Variants in ST3GAL3 observed in about 807,000 individuals in gnomAD.
ST3GAL3 encodes the protein CMP-N-acetylneuraminate-beta-1,4-galactoside alpha-2,3-sialyltransferase.
Under a neutral mutation model 50.1 loss-of-function variants are expected in ST3GAL3, and 21 were observed. The observed-to-expected ratio is 0.42, with a 90% confidence interval of 0.30 to 0.60. The LOEUF (loss-of-function observed/expected upper bound fraction) is 0.60. ST3GAL3 is among the 20% of genes least tolerant of loss of function. The pLI is 0.19. For missense variants in ST3GAL3, 353 were observed against 489.4 expected, an observed-to-expected ratio of 0.72 and a Z score of 2.63; for synonymous variants, 183 against 190.0, an observed-to-expected ratio of 0.96 and a Z score of 0.30.
intron 3 of ST3GAL3, among the ~76,000 whole-genome samples, chr1:43,803,631 G>A (rs1034274758): frequency 5.3e-5 from 8 of 152,102 alleles, no homozygotes; most frequent in Admixed American, 3.3e-4. Flanking sequence ...TTTTGTTTAT[G>A]TCCAGTTTCT....
At chr1:43,920,157 C>A in intron 9 of ST3GAL3, 1 of 553,358 alleles carries the variant, frequency 1.8e-6, no homozygotes, top group Non-Finnish European at 3.3e-6. Context: ...CCCGACGACT[C>A]CCTTCGTATC....
chr1:43,784,092 G>A (rs371395286), intron 2 of ST3GAL3, among the ~76,000 whole-genome samples: 6 of 152,150 alleles, frequency 3.9e-5, no homozygotes, highest in African/African-American at 1.4e-4. Context: ...CCATGCTTCA[G>A]TGCCTTTCCA....
At chr1:43,859,928 G>A (rs1363516332) in intron 5 of ST3GAL3, among the ~76,000 whole-genome samples, 2 of 152,188 alleles carry the variant, frequency 1.3e-5, no homozygotes, top group Admixed American at 1.3e-4. Context: ...GAGGGATTAA[G>A]GGCAGGACTC....
chr1:43,803,530 C>T (rs910373644), intron 3 of ST3GAL3, among the ~76,000 whole-genome samples: 5 of 152,148 alleles, frequency 3.3e-5, no homozygotes, highest in African/African-American at 9.7e-5. Flanking sequence ...GGTAGACCAA[C>T]GGTGTCATTT....
intron 2 of ST3GAL3, among the ~76,000 whole-genome samples, chr1:43,789,743 A>G (rs1488091674): frequency 6.6e-6 from 1 of 152,086 alleles, no homozygotes; most frequent in African/African-American, 2.4e-5. Context: ...AGGCTGGCAC[A>G]TGCACCTGTA....
At chr1:43,785,444 A>G (rs554016787) in intron 2 of ST3GAL3, among the ~76,000 whole-genome samples, 13 of 152,354 alleles carry the variant, frequency 8.5e-5, no homozygotes, top group Non-Finnish European at 1.2e-4. Context: ...GACAGCTTCA[A>G]TGTAGCAAGA....
chr1:43,759,184 G>A (rs1409689366), intron 2 of ST3GAL3, among the ~76,000 whole-genome samples: 3 of 151,502 alleles, frequency 2.0e-5, no homozygotes, highest in South Asian at 2.1e-4. Context: ...GGTGGCTCAC[G>A]CCTGTAATCC....
chr1:43,711,923 T>C (rs1274634721), intron 1 of ST3GAL3, among the ~76,000 whole-genome samples: 1 of 152,242 alleles, frequency 6.6e-6, no homozygotes, highest in Non-Finnish European at 1.5e-5. Context: ...AAAAGTAATC[T>C]TAGTTTAACC....
At chr1:43,776,817 C>T (rs1223058176) in intron 2 of ST3GAL3, among the ~76,000 whole-genome samples, 3 of 152,162 alleles carry the variant, frequency 2.0e-5, no homozygotes, top group African/African-American at 7.2e-5. Flanking sequence ...TGTGTCCTCT[C>T]TTTTTTAATG....
chr1:43,772,012 G>A (rs939052055), intron 2 of ST3GAL3: 49 of 394,056 alleles, frequency 1.2e-4, no homozygotes, highest in African/African-American at 8.3e-4. Context: ...GAAACTGAGC[G>A]TATCCTGCAG....
intron 11 of ST3GAL3, among the ~76,000 whole-genome samples, chr1:43,927,646 T>G (rs1372068228): frequency 6.6e-6 from 1 of 152,168 alleles, no homozygotes; most frequent in Non-Finnish European, 1.5e-5. Flanking sequence ...CTAATTTCAT[T>G]CAACAAATAT....
intron 5 of ST3GAL3, among the ~76,000 whole-genome samples, chr1:43,880,722 C>T (rs1488806575): frequency 6.6e-6 from 1 of 152,184 alleles, no homozygotes; most frequent in African/African-American, 2.4e-5. Context: ...GTTCTGTCCT[C>T]TCCATTCCCC....
At position 43,769,540 on chromosome 1, in the gene ST3GAL3, C is replaced by A. The variant is rs182015260; in HGVS notation, c.119-22562C>A. Among the ~76,000 whole-genome samples, 647 of 151,992 alleles carry A rather than the reference C, an allele frequency of 4.3e-3. 2 individuals are homozygous for A. Among genetic ancestry groups the A allele is most frequent in the Admixed American group, 8.5e-3 (130 of 15,274 alleles). On this transcript the variant is annotated intron_variant, in intron 2 of 11. Transcript: ENST00000347631. ...GGTTCCTGTGTTCGTTTCTTTTTTT[C>A]AACACATATTGACTAAATATAATAT...
rs561035746 is a variant in ST3GAL3, at chr1:43,825,925, T to C, written c.209+10992T>C. Among the ~76,000 whole-genome samples, 7 of 152,156 alleles carry C rather than the reference T, an allele frequency of 4.6e-5. No individual in the cohort carries two copies. In the South Asian group the frequency reaches 1.2e-3, roughly 27 times the overall value. On this transcript the variant is annotated intron_variant, in intron 4 of 11. Transcript: ENST00000347631. ...GAGCCAAAAATAGAGAAAGAGAAGA[T>C]ATAAATTACTAATATCAGAAGTGAA... is the stretch of plus-strand genomic sequence containing the variant.
At chr1:43,792,658 A>G (rs983681822) in intron 3 of ST3GAL3, among the ~76,000 whole-genome samples, 3 of 152,188 alleles carry the variant, frequency 2.0e-5, no homozygotes, top group African/African-American at 4.8e-5. Context: ...CTGTGTACTC[A>G]TGCCAAAATG....
intron 2 of ST3GAL3, among the ~76,000 whole-genome samples, chr1:43,784,379 C>T (rs1331939132): frequency 6.6e-6 from 1 of 152,132 alleles, no homozygotes; most frequent in African/African-American, 2.4e-5. Flanking sequence ...TGTGGTGGCA[C>T]ATGCCTGTAG....
intron 3 of ST3GAL3, among the ~76,000 whole-genome samples, chr1:43,814,647 A>T (rs774521969): frequency 2.0e-5 from 3 of 152,234 alleles, no homozygotes; most frequent in Non-Finnish European, 4.4e-5. Context: ...AGACAGTTGT[A>T]TACCAACATA....
intron 7 of ST3GAL3, 194 bp from the exon 8 acceptor site, chr1:43,898,974 G>C (rs2077810585): frequency 4.5e-6 from 3 of 671,794 alleles, no homozygotes; most frequent in Admixed American, 5.4e-5. Flanking sequence ...TAGAGATGCT[G>C]GAGAGTCTCA....
chr1:43,873,211 C>T (rs767666416), intron 5 of ST3GAL3, among the ~76,000 whole-genome samples: 2 of 152,050 alleles, frequency 1.3e-5, no homozygotes, highest in African/African-American at 2.4e-5. Flanking sequence ...ACCTGGACCA[C>T]GGTGGAAGCA....
Sources: gnomAD v4.1 joint callset for allele counts (sites outside exome capture counted in the v4.1 genomes callset) on GRCh38, gnomAD v4.1.1 for gene constraint, MANE v1.5 for transcripts, NCBI Gene and HGNC (gene_info 2026-07-23, HGNC 2026-07-21) for gene names.